TENM3: variants seen among roughly 807,000 people sequenced by gnomAD.
TENM3 encodes teneurin transmembrane protein 3, also known as teneurin-3.
Under a neutral mutation model 255.1 loss-of-function variants are expected in TENM3, and 63 were observed. The observed-to-expected ratio is 0.25, with a 90% CI of 0.20 to 0.30. The LOEUF (loss-of-function observed/expected upper bound fraction) is 0.30. TENM3 is among the 10% of genes least tolerant of loss of function. TENM3 has a pLI of 1.00. For synonymous variants in TENM3, 1,306 were observed against 1,322.3 expected, an observed-to-expected ratio of 0.99 and a Z score of 0.27; for missense variants, 2,929 against 3,461.1, an observed-to-expected ratio of 0.85 and a Z score of 3.86.
intron 2 of TENM3, among the ~76,000 whole-genome samples, chr4:182,331,926 T>G (rs918141102): frequency 6.6e-6 from 1 of 152,228 alleles, no homozygotes; most frequent in African/African-American, 2.4e-5. Flanking sequence ...GATTCACTTC[T>G]TTTAGAATCA....
intron 19 of TENM3, among the ~76,000 whole-genome samples, chr4:182,747,436 A>G (rs35433024): frequency 0.2 from 29,813 of 152,186 alleles, 3,749 homozygotes; most frequent in East Asian, 0.55. Context: ...ACTGATCAAC[A>G]TATTAAACTT....
At position 182,472,706 on chromosome 4, in the gene TENM3, T is replaced by C. The variant is rs372828166; in HGVS notation, c.511+125777T>C. Among the ~76,000 whole-genome samples, 109 of 149,690 alleles carry C rather than the reference T, an allele frequency of 7.3e-4. 1 individual carries two copies. The South Asian group carries it at 0.022, about 31-fold the overall frequency. On this transcript the variant is annotated intron_variant, in intron 3 of 27. Transcript: ENST00000511685. ...CAGTGTATGACAAATATTGATATTT[T>C]AAATAAATTGTTATATCACAATTTT...
the TENM3 span, among the ~76,000 whole-genome samples, chr4:181,980,531 A>G: frequency 2.6e-5 from 4 of 152,234 alleles, 1 homozygote; most frequent in African/African-American, 9.6e-5. Flanking sequence ...ATGTACCACA[A>G]TCACAATCAG....
intron 7 of TENM3, 37 bp downstream of exon 7, chr4:182,673,256 G>T (rs770128956): frequency 1.4e-6 from 2 of 1,413,976 alleles, no homozygotes; most frequent in Non-Finnish European, 2.0e-6. Flanking sequence ...AATAAAAACT[G>T]CCAGTTGCAT....
chr4:182,039,546 G>A, the TENM3 span, among the ~76,000 whole-genome samples: 1 of 152,122 alleles, frequency 6.6e-6, no homozygotes, highest in Non-Finnish European at 1.5e-5. Context: ...GGTTCCCACT[G>A]TGTGAAAAAA....
chr4:182,641,333 G>A (rs1752288393), intron 5 of TENM3, among the ~76,000 whole-genome samples: 1 of 152,038 alleles, frequency 6.6e-6, no homozygotes, highest in Admixed American at 6.6e-5. Context: ...ATTCTTCTAA[G>A]GATCTCCATA....
At chr4:182,100,528 T>TAC in the TENM3 span, among the ~76,000 whole-genome samples, 2 of 142,368 alleles carry the variant, frequency 1.4e-5, no homozygotes, top group African/African-American at 5.4e-5. Flanking sequence ...CACATATATA[T>TAC]ACACACATAT....
chr4:182,358,655 C>G (rs373983856), intron 3 of TENM3, among the ~76,000 whole-genome samples: 9,495 of 150,602 alleles, frequency 0.063, 769 homozygotes, highest in African/African-American at 0.19. Context: ...ACAATCATGT[C>G]GTCTGCAAAC....
intron 3 of TENM3, among the ~76,000 whole-genome samples, chr4:182,405,702 C>T (rs1258818258): frequency 6.6e-6 from 1 of 152,086 alleles, no homozygotes; most frequent in Non-Finnish European, 1.5e-5. Flanking sequence ...GCAGTGCAGG[C>T]AATTTATGTT....
chr4:182,100,328 A>C, the TENM3 span, among the ~76,000 whole-genome samples: 1 of 151,632 alleles, frequency 6.6e-6, no homozygotes, highest in African/African-American at 2.4e-5. Flanking sequence ...TTGGCCAAGC[A>C]TGGTGGCTGA....
chr4:181,642,610 C>T, the TENM3 span, among the ~76,000 whole-genome samples: 419 of 152,228 alleles, frequency 2.8e-3, no homozygotes, highest in African/African-American at 9.5e-3. Context: ...TTAGGTCTTA[C>T]ATTTAAGTCT....
At chr4:182,535,539 A>G (rs1380117666) in intron 3 of TENM3, among the ~76,000 whole-genome samples, 1 of 151,984 alleles carries the variant, frequency 6.6e-6, no homozygotes, top group African/African-American at 2.4e-5. Flanking sequence ...GTTGAAGACC[A>G]TCCTGGGCAA....
the TENM3 span, among the ~76,000 whole-genome samples, chr4:181,657,226 T>C: frequency 6.6e-6 from 1 of 152,186 alleles, no homozygotes; most frequent in African/African-American, 2.4e-5. Flanking sequence ...TGTGGCCACA[T>C]GAATTTGGGA....
At chr4:182,254,248 C>G (rs1304980541) in intron 1 of TENM3, among the ~76,000 whole-genome samples, 1 of 151,978 alleles carries the variant, frequency 6.6e-6, no homozygotes, top group Non-Finnish European at 1.5e-5. Flanking sequence ...TGGCTTCTTA[C>G]AGTTCTCTAA....
the TENM3 span, among the ~76,000 whole-genome samples, chr4:181,529,445 A>G: frequency 1.3e-5 from 2 of 152,200 alleles, no homozygotes; most frequent in Admixed American, 6.5e-5. Context: ...TTAACTTCAA[A>G]CAGAAAACTC....
intron 1 of TENM3, among the ~76,000 whole-genome samples, chr4:182,147,506 A>G (rs1750050776): frequency 6.6e-6 from 1 of 152,138 alleles, no homozygotes; most frequent in South Asian, 2.1e-4. Flanking sequence ...TGGTGGTTGA[A>G]TATCATCCAA....
chr4:182,626,613 C>T (rs1193916369), intron 4 of TENM3, among the ~76,000 whole-genome samples: 1 of 151,984 alleles, frequency 6.6e-6, no homozygotes, highest in Non-Finnish European at 1.5e-5. Context: ...TGGCTTTGAA[C>T]TCAGACAGTG....
intron 3 of TENM3, among the ~76,000 whole-genome samples, chr4:182,587,315 C>T (rs1016384002): frequency 3.3e-5 from 5 of 152,128 alleles, no homozygotes; most frequent in Non-Finnish European, 5.9e-5. Flanking sequence ...CACCTGTAAT[C>T]CCAGCACTTT....
the TENM3 span, among the ~76,000 whole-genome samples, chr4:181,541,990 C>T: frequency 1.0e-3 from 152 of 152,212 alleles, no homozygotes; most frequent in African/African-American, 3.5e-3. Flanking sequence ...AGAATTTATT[C>T]GACAAGCGTT....
Sources: gnomAD v4.1 joint callset for allele counts (sites outside exome capture counted in the v4.1 genomes callset) on GRCh38, gnomAD v4.1.1 for gene constraint, MANE v1.5 for transcripts, NCBI Gene and HGNC (gene_info 2026-07-23, HGNC 2026-07-21) for gene names.